Variants in MYL2 observed in about 807,000 individuals in gnomAD.
The protein encoded by MYL2 is myosin regulatory light chain 2, ventricular/cardiac muscle isoform.
A neutral mutation model predicts 23.0 loss-of-function variants in MYL2; 19 were observed. That is an observed-to-expected ratio of 0.83 (90% CI 0.58 to 1.21). MYL2 has a LOEUF of 1.21. MYL2 is among the 50% of genes most tolerant of loss of function. The pLI is 0.00. For missense variants in MYL2, 180 were observed against 215.1 expected (o/e 0.84, Z 1.02); for synonymous variants, 78 against 76.2 (o/e 1.02, Z -0.13).
At chr12:110,915,421 G>A (rs2071682166) in intron 3 of MYL2, among the ~76,000 whole-genome samples, 1 of 152,198 alleles carries the variant, frequency 6.6e-6, no homozygotes, top group African/African-American at 2.4e-5. Context: ...TCTGGGTGAT[G>A]TCATTTTCTC....
chr12:110,914,545 G>A (rs1017736681), intron 3 of MYL2, among the ~76,000 whole-genome samples: 3 of 152,162 alleles, frequency 2.0e-5, no homozygotes, highest in Non-Finnish European at 2.9e-5. Context: ...TTGAGACAGG[G>A]TCTGGCTGTG....
chr12:110,913,195 G>C, intron 5 of MYL2, 51 bp from the exon 6 acceptor site: 1 of 1,613,238 alleles, frequency 6.2e-7, no homozygotes. Flanking sequence ...TGTGTAGGGG[G>C]GACAGGGGGC....
At chr12:110,912,336 G>A (rs555539078) in intron 6 of MYL2, among the ~76,000 whole-genome samples, 56 of 151,900 alleles carry the variant, frequency 3.7e-4, no homozygotes, top group African/African-American at 1.3e-3. Context: ...TTTACTGCCA[G>A]TTCTGGAAAG....
chr12:110,911,226 C>T (rs369617624), intron 6 of MYL2, 51 bp from the exon 7 acceptor site: 349 of 265,312 alleles, frequency 1.3e-3, no homozygotes, highest in Admixed American at 9.7e-3. Context: ...GGAACTGAGA[C>T]GGAGGGTGGG....
At chr12:110,911,314 G>C (rs1036220871) in intron 6 of MYL2, 139 bp from the exon 7 acceptor site, 1 of 670,426 alleles carries the variant, frequency 1.5e-6, no homozygotes, top group Non-Finnish European at 2.6e-6. Flanking sequence ...AGGGTCCTCC[G>C]GGGAAGGACT....
intron 6 of MYL2, 114 bp downstream of exon 6, chr12:110,912,982 C>G (rs969695283): frequency 1.7e-5 from 20 of 1,164,948 alleles, no homozygotes; most frequent in Non-Finnish European, 2.3e-5. Context: ...AAGACGATAG[C>G]TGGTTCTCTG....
At chr12:110,914,468 A>G (rs769952749) in intron 3 of MYL2, 178 bp from the exon 4 acceptor site, 3 of 662,486 alleles carry the variant, frequency 4.5e-6, no homozygotes, top group Non-Finnish European at 8.2e-6. Context: ...TATTTATAAT[A>G]ACCAAATGAC....
At chr12:110,920,744 G>A (rs982576844), upstream of MYL2, 1 of 660,998 alleles carries the variant, frequency 1.5e-6, no homozygotes, top group Non-Finnish European at 2.7e-6. Context: ...GGTGACACGT[G>A]AGCCCCCAAA....
chr12:110,918,106 T>C lies in MYL2; in HGVS notation c.93+998A>G, dbSNP rs1286366411. Among the ~76,000 whole-genome samples the C allele has an allele frequency of 6.6e-6, 1 of 152,102 alleles. No individual in the cohort carries two copies. The highest frequency in any genetic ancestry group is 1.5e-5 in the Non-Finnish European group (1 of 68,002). On this transcript the variant is annotated intron_variant, in intron 2 of 6. Transcript: ENST00000228841. The surrounding 1 kb of genome is among the most constrained non-coding windows in gnomAD (Gnocchi z 4.4). ...ACACGCACAAAAAAAGAAAGCAGTC[T>C]GGTCTCTTTAGCATCATTTTAGCAT... is the stretch of plus-strand genomic sequence containing the variant.
chr12:110,919,921 G>A (rs1326954858), intron 1 of MYL2, among the ~76,000 whole-genome samples: 2 of 152,200 alleles, frequency 1.3e-5, no homozygotes, highest in African/African-American at 2.4e-5. Flanking sequence ...GAGGCTCAGA[G>A]AGGTTGGGTC....
At chr12:110,917,841 T>C (rs2071696915) in intron 2 of MYL2, among the ~76,000 whole-genome samples, 1 of 152,080 alleles carries the variant, frequency 6.6e-6, no homozygotes, top group Non-Finnish European at 1.5e-5. Context: ...CCCAGCACTT[T>C]GGGAGGTCAA....
chr12:110,920,544 A>G lies in MYL2; in HGVS notation c.-15T>C, dbSNP rs1463480520. 6.2e-7 allele frequency: 1 copy of G among 1,614,160 alleles called. No homozygotes were observed. The highest frequency in any genetic ancestry group is 1.1e-5 in the South Asian group (1 of 91,082). ...GTACTCACCATGGTGGAAAGGACCC[A>G]GCACTGCCTCCCGAGAAGAATTCCA... On this transcript the variant is annotated 5_prime_UTR_variant, in exon 1 of 7. Coordinates refer to ENST00000228841, the MANE Select transcript of MYL2 (RefSeq NM_000432.4).
chr12:110,917,482 T>C (rs760728695), intron 2 of MYL2, among the ~76,000 whole-genome samples: 72 of 146,410 alleles, frequency 4.9e-4, no homozygotes, highest in South Asian at 1.5e-3. Context: ...TGTAATCCCA[T>C]TTACTCAGAC....
chr12:110,913,148 CAG>C lies in MYL2; in HGVS notation c.354-6_354-5del. On this transcript the variant is annotated splice_polypyrimidine_tract_variant and splice_region_variant and intron_variant, in intron 5 of 6. Transcript: ENST00000228841. ...CGTGGTCAGCATTTCCCGAACGCTG[CAG>C]AGAAAGGAAAGCAGGTGTTGGTGTC... The C allele has an allele frequency of 6.2e-7, 1 of 1,614,206 alleles. No homozygotes were observed. Among genetic ancestry groups the C allele is most frequent in the Non-Finnish European group, 8.5e-7 (1 of 1,180,022 alleles).
chr12:110,920,602 A>G, upstream of MYL2: 1 of 1,608,998 alleles, frequency 6.2e-7, no homozygotes, highest in Admixed American at 1.7e-5. Flanking sequence ...CCCAGGAACA[A>G]TAAATACTTC....
rs370521261 is a variant in MYL2, at chr12:110,915,696, G to T, written c.169+19C>A. On this transcript the variant is annotated intron_variant, in intron 3 of 6. Coordinates refer to ENST00000228841, the MANE Select transcript of MYL2 (RefSeq NM_000432.4). ...TGAGATAAAGAGACCCTCATGCAGG[G>T]CTAGAGAGGGTGACATACCAAGGGC... The T allele has an allele frequency of 6.2e-7, 1 of 1,609,308 alleles. No homozygotes were observed. The highest frequency in any genetic ancestry group is 8.5e-7 in the Non-Finnish European group (1 of 1,175,790).
At chr12:110,914,116 T>C in intron 4 of MYL2, 70 bp downstream of exon 4, 1 of 1,211,924 alleles carries the variant, frequency 8.3e-7, no homozygotes, top group Non-Finnish European at 1.2e-6. Context: ...AAGTTAACCA[T>C]CTTCTGCCAG....
chr12:110,912,423 T>A (rs1257469577), intron 6 of MYL2, among the ~76,000 whole-genome samples: 1 of 152,272 alleles, frequency 6.6e-6, no homozygotes, highest in Non-Finnish European at 1.5e-5. Context: ...ACAACTCACA[T>A]GACAGTATGT....
In MYL2 at chr12:110,911,924, C is replaced by CA. The variant is rs2071655398; in HGVS notation, c.403-750dup. Among the ~76,000 whole-genome samples the CA allele has an allele frequency of 2.0e-5, 3 of 152,236 alleles. No individual in the cohort carries two copies. In the South Asian group the frequency reaches 6.2e-4, roughly 31 times the overall value. ...TTATATTGCCCTTGCCACAAGTTCA[C>CA]ACTTTCCCCACATTAACATGTCGAA... On this transcript the variant is annotated intron_variant, in intron 6 of 6. Transcript: ENST00000228841.
Sources: allele counts gnomAD v4.1 joint callset (sites outside exome capture counted in the v4.1 genomes callset), GRCh38; gene constraint gnomAD v4.1.1; non-coding constraint Gnocchi (gnomAD v3.1); transcripts MANE v1.5; gene names NCBI Gene and HGNC (gene_info 2026-07-23, HGNC 2026-07-21).